Variants in NAV2 observed in about 807,000 individuals in gnomAD.
The protein encoded by NAV2 is helicase, APC down-regulated 1.
Under a neutral mutation model 223.2 loss-of-function variants are expected in NAV2, and 54 were observed. The ratio of observed to expected loss-of-function variants is 0.24; its 90% confidence interval spans 0.19 to 0.30. NAV2 has a LOEUF of 0.30. Ranked by LOEUF, NAV2 falls within the 10% of genes least tolerant of loss-of-function variation. NAV2 has a pLI of 1.00. For synonymous variants in NAV2, 1,279 were observed against 1,239.3 expected (o/e 1.03, Z -0.67); for missense variants, 2,806 against 3,147.5 (o/e 0.89, Z 2.60).
chr11:19,660,792 T>G (rs939067775), intron 1 of NAV2, among the ~76,000 whole-genome samples: 4 of 152,032 alleles, frequency 2.6e-5, no homozygotes, highest in Non-Finnish European at 5.9e-5. Context: ...GAGTGTAGCA[T>G]GCCCCCAGTC....
At chr11:19,944,477 TCTC>T (rs2046672630) in intron 8 of NAV2, among the ~76,000 whole-genome samples, 1 of 151,446 alleles carries the variant, frequency 6.6e-6, no homozygotes, top group East Asian at 1.9e-4. Context: ...TTTCTCTTCT[TCTC>T]CTTTCCCCTT....
intron 16 of NAV2, among the ~76,000 whole-genome samples, chr11:20,050,148 A>T (rs1298941155): frequency 6.6e-6 from 1 of 152,124 alleles, no homozygotes; most frequent in Non-Finnish European, 1.5e-5. Context: ...AAACCCTGCC[A>T]CTTGATCTGG....
intron 1 of NAV2, among the ~76,000 whole-genome samples, chr11:19,589,301 G>A (rs2045987682): frequency 6.6e-6 from 1 of 152,230 alleles, no homozygotes; most frequent in African/African-American, 2.4e-5. Context: ...GAGGCAGATT[G>A]TAGGAGCTAT....
chr11:20,114,789 C>T lies in NAV2; in HGVS notation c.7158C>T (p.Asp2386=), dbSNP rs369564323. ...KQMPPSDAEG[D]PLMNMLMRLQ... is the part of the protein sequence containing the mutation. Reference sequence around the variant, plus strand: ...TGCCCCCCAGTGATGCTGAAGGTGACCCGCTGGTGAGTCCTCAGCCACCAG... The same window carrying T: ...TGCCCCCCAGTGATGCTGAAGGTGATCCGCTGGTGAGTCCTCAGCCACCAG... Residue 2386 remains aspartate, a synonymous_variant, in exon 37 of 38, where the codon GAC becomes GAT. Coordinates refer to ENST00000349880, the MANE Select transcript of NAV2 (RefSeq NM_145117.5). 2 of 1,612,808 alleles carry T rather than the reference C, an allele frequency of 1.2e-6. No individual in the cohort carries two copies. The highest frequency in any genetic ancestry group is 2.2e-5 in the East Asian group (1 of 44,844).
chr11:19,364,152 A>G (rs1854123563), intron 1 of NAV2, among the ~76,000 whole-genome samples: 1 of 152,180 alleles, frequency 6.6e-6, no homozygotes, highest in Admixed American at 6.5e-5. Context: ...CCAGAAGTCC[A>G]CCAAAGAGTC....
intron 4 of NAV2, among the ~76,000 whole-genome samples, chr11:19,870,709 A>G (rs1475686038): frequency 3.3e-5 from 5 of 152,226 alleles, no homozygotes; most frequent in Non-Finnish European, 7.3e-5. Flanking sequence ...TCTCACAACT[A>G]AAGTTGGAGT....
At chr11:19,678,319 G>A (rs945051247) in intron 1 of NAV2, among the ~76,000 whole-genome samples, 4 of 152,152 alleles carry the variant, frequency 2.6e-5, no homozygotes, top group South Asian at 2.1e-4. Context: ...GAAATGAAAC[G>A]TAGAAAGATT....
chr11:19,465,121 C>A (rs1432707744), intron 1 of NAV2, among the ~76,000 whole-genome samples: 1 of 152,092 alleles, frequency 6.6e-6, no homozygotes, highest in African/African-American at 2.4e-5. Flanking sequence ...TAAAATGGAG[C>A]TATTTTACAG....
chr11:20,099,289 C>T (rs1042114546), intron 31 of NAV2, among the ~76,000 whole-genome samples: 3 of 152,210 alleles, frequency 2.0e-5, no homozygotes, highest in African/African-American at 7.2e-5. Context: ...TCATCCTCGA[C>T]AAGAACCCTT....
At chr11:19,566,643 G>T (rs1437533984) in intron 1 of NAV2, among the ~76,000 whole-genome samples, 2 of 152,304 alleles carry the variant, frequency 1.3e-5, no homozygotes, top group South Asian at 2.1e-4. Context: ...AGAACTGCCG[G>T]TTATGTAGGA....
chr11:19,467,394 G>A (rs1852406279), intron 1 of NAV2, among the ~76,000 whole-genome samples: 2 of 151,940 alleles, frequency 1.3e-5, no homozygotes, highest in Non-Finnish European at 2.9e-5. Context: ...GGTAATTTCT[G>A]ATTATTTCCA....
chr11:20,054,930 A>T (rs1454466022), intron 18 of NAV2, among the ~76,000 whole-genome samples: 1 of 152,218 alleles, frequency 6.6e-6, no homozygotes, highest in East Asian at 1.9e-4. Flanking sequence ...GCTGAATATA[A>T]TTAGATAGCA....
At chr11:19,901,015 T>C (rs2042400350) in intron 6 of NAV2, among the ~76,000 whole-genome samples, 1 of 152,228 alleles carries the variant, frequency 6.6e-6, no homozygotes, top group African/African-American at 2.4e-5. Flanking sequence ...TTTCTCATTT[T>C]TTGCATAATC....
intron 1 of NAV2, among the ~76,000 whole-genome samples, chr11:19,483,313 C>A (rs1345565447): frequency 2.6e-5 from 4 of 152,224 alleles, no homozygotes; most frequent in Non-Finnish European, 5.9e-5. Flanking sequence ...ATGAATCCTC[C>A]ATTTTCCCAG....
intron 1 of NAV2, among the ~76,000 whole-genome samples, chr11:19,625,340 A>C (rs977328193): frequency 6.6e-6 from 1 of 152,208 alleles, no homozygotes; most frequent in African/African-American, 2.4e-5. Flanking sequence ...TTCACTTGAC[A>C]TACTGTCCTC....
intron 3 of NAV2, among the ~76,000 whole-genome samples, chr11:19,853,507 T>TG (rs918048474): frequency 5.9e-5 from 9 of 152,194 alleles, no homozygotes; most frequent in Non-Finnish European, 1.0e-4. Context: ...GATCTTTTTT[T>TG]TGTGTGACTT....
At chr11:20,099,112 G>A (rs1030804618) in intron 31 of NAV2, among the ~76,000 whole-genome samples, 5 of 152,186 alleles carry the variant, frequency 3.3e-5, no homozygotes, top group Middle Eastern at 3.2e-3. Flanking sequence ...TCCGAGCCTG[G>A]GCACCAGCCC....
At chr11:19,500,461 A>G (rs1435359632) in intron 1 of NAV2, among the ~76,000 whole-genome samples, 1 of 152,202 alleles carries the variant, frequency 6.6e-6, no homozygotes, top group East Asian at 1.9e-4. Flanking sequence ...TCCTATCCCC[A>G]ATTACTATCC....
chr11:19,589,076 T>C (rs925242886), intron 1 of NAV2, among the ~76,000 whole-genome samples: 1 of 152,206 alleles, frequency 6.6e-6, no homozygotes, highest in Admixed American at 6.5e-5. Flanking sequence ...TGCTGGTTCC[T>C]GGGTGTCCAG....
Sources: allele counts gnomAD v4.1 joint callset (sites outside exome capture counted in the v4.1 genomes callset), GRCh38; gene constraint gnomAD v4.1.1; transcripts MANE v1.5; gene names NCBI Gene and HGNC (gene_info 2026-07-23, HGNC 2026-07-21).